The following FHIT variants were observed in gnomAD, a reference collection of about 807,000 sequenced individuals.
FHIT encodes bis(5'-adenosyl)-triphosphatase.
Under a neutral mutation model 17.9 loss-of-function variants are expected in FHIT, and 19 were observed. The observed-to-expected ratio is 1.06, with a 90% CI of 0.74 to 1.56. The LOEUF (loss-of-function observed/expected upper bound fraction) is 1.56, where lower values mean the gene tolerates loss of function less well. Ranked by LOEUF, FHIT falls within the 40% of genes most tolerant of loss-of-function variation. The pLI is 0.00. For synonymous variants in FHIT, 81 were observed against 69.7 expected, an observed-to-expected ratio of 1.16 and a Z score of -0.81; for missense variants, 248 against 189.2, an observed-to-expected ratio of 1.31 and a Z score of -1.82.
intron 5 of FHIT, among the ~76,000 whole-genome samples, chr3:60,217,630 A>G (rs138474822): frequency 2.0e-5 from 3 of 152,282 alleles, no homozygotes; most frequent in South Asian, 2.1e-4. Flanking sequence ...AAAGCTTTGC[A>G]TAACTCTGGT....
intron 4 of FHIT, among the ~76,000 whole-genome samples, chr3:60,611,276 A>G (rs1553673474): frequency 6.6e-6 from 1 of 152,214 alleles, no homozygotes; most frequent in African/African-American, 2.4e-5. Flanking sequence ...GAAAAAGAGG[A>G]TTAGATTTGC....
chr3:60,979,993 T>A (rs1305812231), intron 3 of FHIT, among the ~76,000 whole-genome samples: 1 of 152,252 alleles, frequency 6.6e-6, no homozygotes, highest in Non-Finnish European at 1.5e-5. Context: ...GTTTCACTGC[T>A]ATGAAAAACT....
At chr3:60,252,273 A>G (rs1705749395) in intron 5 of FHIT, among the ~76,000 whole-genome samples, 1 of 152,166 alleles carries the variant, frequency 6.6e-6, no homozygotes, top group South Asian at 2.1e-4. Flanking sequence ...ACATTAACAA[A>G]CAAAAGGAAC....
chr3:60,393,309 A>G (rs1254323606), intron 5 of FHIT, among the ~76,000 whole-genome samples: 2 of 151,860 alleles, frequency 1.3e-5, no homozygotes, highest in Non-Finnish European at 2.9e-5. Context: ...TTTCAATTCT[A>G]TTTTCCACAA....
chr3:60,698,459 C>T (rs2041164359), intron 4 of FHIT, among the ~76,000 whole-genome samples: 1 of 152,044 alleles, frequency 6.6e-6, no homozygotes, highest in Non-Finnish European at 1.5e-5. Flanking sequence ...TAATTTACTC[C>T]CTGGAGAAAA....
At chr3:60,876,955 C>T (rs1334054195) in intron 3 of FHIT, among the ~76,000 whole-genome samples, 3 of 152,148 alleles carry the variant, frequency 2.0e-5, no homozygotes, top group Non-Finnish European at 4.4e-5. Context: ...GAGCCAGAAA[C>T]CCAGAGGAAA....
intron 5 of FHIT, among the ~76,000 whole-genome samples, chr3:60,339,824 T>C (rs893047242): frequency 6.6e-6 from 1 of 152,172 alleles, no homozygotes; most frequent in Admixed American, 6.5e-5. Context: ...GTGGGCCATG[T>C]TCTCACCTTG....
chr3:60,383,383 A>G (rs544346506), intron 5 of FHIT, among the ~76,000 whole-genome samples: 6 of 152,114 alleles, frequency 3.9e-5, no homozygotes, highest in South Asian at 2.1e-4. Context: ...CCAAGGGTCA[A>G]TTTTGCTCCC....
In FHIT at chr3:61,177,187, AAAAG is replaced by A. The variant is rs1323730131; in HGVS notation, c.-164+23426_-164+23429del. On this transcript the variant is annotated intron_variant, in intron 2 of 9. Transcript: ENST00000492590. ...GTAAGACTCCATCTCAAAAAAAAAAAAAAGAAAAAGAAAGAGAACCAAATCATTT... is the reference window on the plus strand; with the variant it reads ...GTAAGACTCCATCTCAAAAAAAAAAAAAAAAGAAAGAGAACCAAATCATTT... Among the ~76,000 whole-genome samples the A allele has an allele frequency of 5.7e-3, 271 of 47,724 alleles. 4 individuals carry two copies. The highest frequency in any genetic ancestry group is 0.021 in the African/African-American group (265 of 12,602). 31.3% of individuals were successfully genotyped at this position (47,724 alleles called of 152,430 possible).
At chr3:60,986,992 T>G (rs750200349) in intron 3 of FHIT, among the ~76,000 whole-genome samples, 7 of 152,206 alleles carry the variant, frequency 4.6e-5, no homozygotes, top group Non-Finnish European at 8.8e-5. Flanking sequence ...TTATTCATCA[T>G]CTTGTTGCCA....
intron 3 of FHIT, among the ~76,000 whole-genome samples, chr3:60,949,229 G>A (rs1708771425): frequency 2.0e-5 from 3 of 152,132 alleles, no homozygotes; most frequent in Admixed American, 2.0e-4. Flanking sequence ...CACACCAATG[G>A]TGGCAGGAGG....
intron 5 of FHIT, among the ~76,000 whole-genome samples, chr3:60,278,159 A>G (rs1157594150): frequency 2.0e-5 from 3 of 152,180 alleles, no homozygotes; most frequent in African/African-American, 7.2e-5. Context: ...AAACTCTTGC[A>G]GCCTAGTCTT....
intron 3 of FHIT, among the ~76,000 whole-genome samples, chr3:60,999,378 A>T (rs1418715191): frequency 6.6e-6 from 1 of 151,918 alleles, no homozygotes; most frequent in Non-Finnish European, 1.5e-5. Flanking sequence ...ATTCCAAGCT[A>T]CAGTTCTTAG....
chr3:60,487,390 A>C (rs2033887817), intron 5 of FHIT, among the ~76,000 whole-genome samples: 3 of 152,206 alleles, frequency 2.0e-5, no homozygotes, highest in Admixed American at 2.0e-4. Context: ...ATTACTGCTC[A>C]AAGTCAGAAA....
intron 5 of FHIT, among the ~76,000 whole-genome samples, chr3:60,226,825 T>C (rs1704231971): frequency 6.6e-6 from 1 of 152,174 alleles, no homozygotes; most frequent in African/African-American, 2.4e-5. Context: ...TGGACACTGA[T>C]ATCCCATCTT....
chr3:60,230,111 T>C (rs1007234780), intron 5 of FHIT, among the ~76,000 whole-genome samples: 1 of 152,198 alleles, frequency 6.6e-6, no homozygotes, highest in Admixed American at 6.6e-5. Context: ...AATTTAAATA[T>C]ATTAAAATTG....
intron 5 of FHIT, among the ~76,000 whole-genome samples, chr3:60,500,516 T>G (rs1288685482): frequency 6.6e-6 from 1 of 151,990 alleles, no homozygotes; most frequent in South Asian, 2.1e-4. Flanking sequence ...ACGCCTGTAA[T>G]CCCAGCACTT....
At chr3:59,778,799 TTTA>T (rs373413985) in intron 8 of FHIT, among the ~76,000 whole-genome samples, 53 of 152,212 alleles carry the variant, frequency 3.5e-4, no homozygotes, top group African/African-American at 1.2e-3. Context: ...AAAACATAGA[TTTA>T]TTATTTACCT....
intron 5 of FHIT, among the ~76,000 whole-genome samples, chr3:60,156,650 G>A (rs1454302022): frequency 6.6e-6 from 1 of 152,108 alleles, no homozygotes; most frequent in East Asian, 1.9e-4. Flanking sequence ...TACTCAGGAG[G>A]CTGAGGTGAG....
Sources: allele counts gnomAD v4.1 joint callset (sites outside exome capture counted in the v4.1 genomes callset), GRCh38; gene constraint gnomAD v4.1.1; transcripts MANE v1.5; gene names NCBI Gene and HGNC (gene_info 2026-07-23, HGNC 2026-07-21).